The following BLTP1 variants were observed in gnomAD, a reference collection of about 807,000 sequenced individuals.
BLTP1 encodes the protein fragile site-associated protein.
chr4:122,255,910 C>A, the BLTP1 span: 1 of 219,606 alleles, frequency 4.6e-6, no homozygotes, highest in Non-Finnish European at 7.7e-6. Flanking sequence ...AGAGTGATGT[C>A]TTGGAAGCTA....
the BLTP1 span, among the ~76,000 whole-genome samples, chr4:122,357,425 T>C: frequency 6.6e-6 from 1 of 151,870 alleles, no homozygotes; most frequent in African/African-American, 2.4e-5. Context: ...TAGCCAGGTG[T>C]GGTGGCACAT....
chr4:122,335,436 G>A, the BLTP1 span, among the ~76,000 whole-genome samples: 5 of 151,892 alleles, frequency 3.3e-5, no homozygotes, highest in East Asian at 9.6e-4. Flanking sequence ...TACATGGCAG[G>A]ATTTCCAAAA....
chr4:122,341,911 G>A, the BLTP1 span: 1 of 672,642 alleles, frequency 1.5e-6, no homozygotes, highest in Admixed American at 6.3e-5. Flanking sequence ...ACTCCCAGGA[G>A]AGAATACAAA....
At chr4:122,235,132 T>A in the BLTP1 span, 1 of 1,052,472 alleles carries the variant, frequency 9.5e-7, no homozygotes, top group Non-Finnish European at 1.4e-6. Flanking sequence ...CTTTGTGTGA[T>A]GTTATGAGTA....
chr4:122,266,732 A>G, the BLTP1 span: 1 of 1,442,606 alleles, frequency 6.9e-7, no homozygotes, highest in African/African-American at 1.5e-5. Flanking sequence ...TAATTTCTAC[A>G]GTAAATGATA....
chr4:122,323,923 A>T, the BLTP1 span, among the ~76,000 whole-genome samples: 1 of 152,026 alleles, frequency 6.6e-6, no homozygotes, highest in South Asian at 2.1e-4. Context: ...AAATCTTTTA[A>T]CTATCTAGCA....
the BLTP1 span, chr4:122,350,504 T>A: frequency 2.0e-6 from 1 of 500,808 alleles, no homozygotes; most frequent in Non-Finnish European, 2.6e-6. Context: ...GGAGATCTAG[T>A]GGTGGACAGA....
chr4:122,285,468 G>A, the BLTP1 span, among the ~76,000 whole-genome samples: 1 of 152,108 alleles, frequency 6.6e-6, no homozygotes, highest in African/African-American at 2.4e-5. Flanking sequence ...TTGGAGTAGT[G>A]AGAGGAGATC....
chr4:122,258,219 A>G, the BLTP1 span, among the ~76,000 whole-genome samples: 3 of 152,222 alleles, frequency 2.0e-5, no homozygotes, highest in African/African-American at 7.2e-5. Flanking sequence ...GTTTTGAAAA[A>G]AATATTGAAA....
chr4:122,248,029 C>T, the BLTP1 span: 1 of 984,722 alleles, frequency 1.0e-6, no homozygotes, highest in Non-Finnish European at 1.2e-6. Context: ...AATGAATTCC[C>T]TGAATTTGCT....
At chr4:122,207,652 A>G in the BLTP1 span, 1 of 1,538,326 alleles carries the variant, frequency 6.5e-7, no homozygotes, top group Non-Finnish European at 9.0e-7. Context: ...TGTATAGTTG[A>G]ATGCATTATT....
the BLTP1 span, chr4:122,287,806 C>T: frequency 1.6e-6 from 1 of 614,016 alleles, no homozygotes; most frequent in Non-Finnish European, 2.0e-6. Context: ...CAGATTCTAA[C>T]AAGTCAAAGA....
At chr4:122,155,995 A>C in the BLTP1 span, 1 of 972,536 alleles carries the variant, frequency 1.0e-6, no homozygotes, top group Non-Finnish European at 1.2e-6. Flanking sequence ...TTAATGTTTA[A>C]TAAATACTTT....
the BLTP1 span, chr4:122,275,903 T>G: frequency 2.8e-6 from 4 of 1,413,834 alleles, no homozygotes; most frequent in Non-Finnish European, 3.7e-6. Context: ...ATATTGTAAC[T>G]AATTTGTGCA....
chr4:122,246,976 T>G, the BLTP1 span: 1 of 896,972 alleles, frequency 1.1e-6, no homozygotes, highest in African/African-American at 1.8e-5. Context: ...CATATGTCTT[T>G]AAAAAATTTT....
chr4:122,266,795 C>A, the BLTP1 span: 1 of 1,596,996 alleles, frequency 6.3e-7, no homozygotes, highest in Middle Eastern at 1.7e-4. Flanking sequence ...TGTTTTCAAG[C>A]CTCTTCTGAG....
chr4:122,213,454 A>G, the BLTP1 span, among the ~76,000 whole-genome samples: 2 of 152,010 alleles, frequency 1.3e-5, no homozygotes, highest in East Asian at 3.8e-4. Flanking sequence ...TCAAATTCAT[A>G]TATGAAATTT....
chr4:122,191,312 A>C, the BLTP1 span, among the ~76,000 whole-genome samples: 1 of 152,068 alleles, frequency 6.6e-6, no homozygotes, highest in African/African-American at 2.4e-5. Flanking sequence ...TGAAAGAGTA[A>C]TTAGAGACAA....
At chr4:122,269,170 A>G in the BLTP1 span, 1 of 603,504 alleles carries the variant, frequency 1.7e-6, no homozygotes, top group Non-Finnish European at 2.1e-6. Flanking sequence ...ATTTATATAT[A>G]AATATGTTTA....
Sources: gnomAD v4.1 joint callset for allele counts (sites outside exome capture counted in the v4.1 genomes callset) on GRCh38, gnomAD v4.1.1 for gene constraint, MANE v1.5 for transcripts, NCBI Gene and HGNC (gene_info 2026-07-23, HGNC 2026-07-21) for gene names.